Variants in ZNF385D observed in about 807,000 individuals in gnomAD.
ZNF385D encodes the protein zinc finger protein 385D.
ZNF385D carries 15 observed loss-of-function variants against 35.8 expected under a neutral mutation model. The observed-to-expected ratio is 0.42, with a 90% CI of 0.28 to 0.64. ZNF385D has a LOEUF of 0.64. Among genes scored for constraint, ZNF385D ranks in the 30% least tolerant of loss-of-function variants. The pLI is 0.23. For synonymous variants in ZNF385D, 212 were observed against 186.8 expected (o/e 1.13, Z -1.10); for missense variants, 474 against 494.6 (o/e 0.96, Z 0.39).
intron 2 of ZNF385D, among the ~76,000 whole-genome samples, chr3:21,583,325 C>G (rs4616665): frequency 0.2 from 30,630 of 152,104 alleles, 3,877 homozygotes; most frequent in Non-Finnish European, 0.29. Flanking sequence ...CTACCTAATA[C>G]ATTTTGTATT....
intron 1 of ZNF385D, among the ~76,000 whole-genome samples, chr3:21,715,115 A>G (rs2068263401): frequency 6.6e-6 from 1 of 152,034 alleles, no homozygotes; most frequent in South Asian, 2.1e-4. Context: ...TAAAATTTAT[A>G]TACATTTATG....
intron 3 of ZNF385D, among the ~76,000 whole-genome samples, chr3:22,010,276 C>T (rs1206733204): frequency 6.6e-6 from 1 of 152,192 alleles, no homozygotes; most frequent in Non-Finnish European, 1.5e-5. Flanking sequence ...TTGCTATAAA[C>T]ACCGATGTCA....
intron 3 of ZNF385D, among the ~76,000 whole-genome samples, chr3:21,889,873 C>G (rs916548621): frequency 6.6e-6 from 1 of 152,106 alleles, no homozygotes; most frequent in African/African-American, 2.4e-5. Flanking sequence ...TGTTCCAGGC[C>G]TTTTCCTTAG....
intron 2 of ZNF385D, among the ~76,000 whole-genome samples, chr3:21,608,652 C>A (rs537600686): frequency 6.6e-6 from 1 of 152,082 alleles, no homozygotes; most frequent in African/African-American, 2.4e-5. Context: ...CAAAAAATGT[C>A]TATTAGTTTT....
exon 3 of ZNF385D, chr3:22,168,862 T>G: frequency 2.0e-6 from 2 of 985,866 alleles, no homozygotes; most frequent in South Asian, 9.4e-5. Context: ...TTTAATCTCT[T>G]TTGATGTGAT....
chr3:21,967,506 G>A (rs1258282975), intron 3 of ZNF385D, among the ~76,000 whole-genome samples: 2 of 152,210 alleles, frequency 1.3e-5, no homozygotes, highest in Non-Finnish European at 2.9e-5. Flanking sequence ...CTACAGAGCT[G>A]CTAAAACAGC....
chr3:22,061,292 T>C (rs1488335115), intron 3 of ZNF385D, among the ~76,000 whole-genome samples: 1 of 152,166 alleles, frequency 6.6e-6, no homozygotes, highest in Non-Finnish European at 1.5e-5. Context: ...CCAAAATCCT[T>C]TGGGTTTATT....
intron 1 of ZNF385D, among the ~76,000 whole-genome samples, chr3:21,738,074 T>C (rs928351491): frequency 2.0e-5 from 3 of 152,258 alleles, no homozygotes; most frequent in South Asian, 2.1e-4. Flanking sequence ...ACCTGGAGTC[T>C]TTCCCTGATC....
chr3:21,734,134 T>C (rs1020156756), intron 1 of ZNF385D, among the ~76,000 whole-genome samples: 4 of 152,174 alleles, frequency 2.6e-5, no homozygotes, highest in South Asian at 2.1e-4. Context: ...TTGAATGCAA[T>C]TGCATTATGC....
chr3:21,959,269 C>G (rs1231823812), intron 3 of ZNF385D, among the ~76,000 whole-genome samples: 1 of 152,054 alleles, frequency 6.6e-6, no homozygotes, highest in Non-Finnish European at 1.5e-5. Context: ...GAAAAACACA[C>G]TTCAAATAAT....
At chr3:22,293,480 T>TC (rs988713045) in intron 2 of ZNF385D, among the ~76,000 whole-genome samples, 5 of 152,098 alleles carry the variant, frequency 3.3e-5, no homozygotes, top group African/African-American at 1.2e-4. Flanking sequence ...TCCTCTTTGT[T>TC]CAATGATGCC....
chr3:21,864,177 G>C (rs770557954), intron 3 of ZNF385D, among the ~76,000 whole-genome samples: 1 of 152,038 alleles, frequency 6.6e-6, no homozygotes, highest in Non-Finnish European at 1.5e-5. Context: ...CAGTCCTTTT[G>C]TTGCCATTTT....
chr3:21,827,047 A>G (rs1694687640), intron 3 of ZNF385D, among the ~76,000 whole-genome samples: 1 of 152,300 alleles, frequency 6.6e-6, no homozygotes, highest in South Asian at 2.1e-4. Flanking sequence ...TTTGCCATTA[A>G]AAGTAATGGC....
At chr3:22,154,047 A>T (rs1361351579) in intron 3 of ZNF385D, among the ~76,000 whole-genome samples, 1 of 151,990 alleles carries the variant, frequency 6.6e-6, no homozygotes, top group African/African-American at 2.4e-5. Flanking sequence ...TTGTATCCCA[A>T]AGGGTTTTTG....
chr3:22,370,763 T>C (rs1696866490), intron 2 of ZNF385D, among the ~76,000 whole-genome samples: 1 of 152,148 alleles, frequency 6.6e-6, no homozygotes, highest in Non-Finnish European at 1.5e-5. Flanking sequence ...CTTGGGATTG[T>C]TAGGCATTTA....
intron 4 of ZNF385D, among the ~76,000 whole-genome samples, chr3:21,475,891 A>G (rs774106914): frequency 6.6e-6 from 1 of 151,996 alleles, no homozygotes; most frequent in South Asian, 2.1e-4. Flanking sequence ...AATTATTTCC[A>G]GTGCATTATT....
chr3:22,067,105 A>G (rs1230326510), intron 3 of ZNF385D, among the ~76,000 whole-genome samples: 1 of 152,202 alleles, frequency 6.6e-6, no homozygotes, highest in African/African-American at 2.4e-5. Flanking sequence ...AGAAGCTGTT[A>G]AAGTAATGGT....
chr3:21,674,081 G>A (rs757464598), intron 1 of ZNF385D, among the ~76,000 whole-genome samples: 1 of 152,064 alleles, frequency 6.6e-6, no homozygotes, highest in East Asian at 1.9e-4. Flanking sequence ...TTGCCTGCAC[G>A]AACTTCTCTG....
chr3:22,048,097 C>T (rs1364058292), intron 3 of ZNF385D, among the ~76,000 whole-genome samples: 3 of 152,022 alleles, frequency 2.0e-5, no homozygotes, highest in Admixed American at 6.6e-5. Flanking sequence ...TATTTGTTTA[C>T]TTACTATTGA....
Sources: allele counts gnomAD v4.1 joint callset (sites outside exome capture counted in the v4.1 genomes callset), GRCh38; gene constraint gnomAD v4.1.1; transcripts MANE v1.5; gene names NCBI Gene and HGNC (gene_info 2026-07-23, HGNC 2026-07-21).